The following GDA variants were observed in gnomAD, a reference collection of about 807,000 sequenced individuals.
GDA encodes the protein guanine deaminase, also known as cytoplasmic PSD-95 interactor.
Under a neutral mutation model 59.6 loss-of-function variants are expected in GDA, and 18 were observed. The ratio of observed to expected loss-of-function variants is 0.30; its 90% CI spans 0.21 to 0.45. The LOEUF (loss-of-function observed/expected upper bound fraction) is 0.45. GDA is among the 20% of genes least tolerant of loss of function. The pLI, the probability that GDA is intolerant of heterozygous loss-of-function variation, is 1.00. For synonymous variants in GDA, 201 were observed against 201.1 expected, an observed-to-expected ratio of 1.00 and a Z score of 0.00; for missense variants, 427 against 552.3, an observed-to-expected ratio of 0.77 and a Z score of 2.27.
In GDA at chr9:72,248,324, G is replaced by A. The variant is rs199936815; in HGVS notation, c.1347G>A (p.Pro449=). 34 of 1,613,768 alleles carry A rather than the reference G, an allele frequency of 2.1e-5. No individual in the cohort carries two copies. The Admixed American group carries it at 2.2e-4, about 10-fold the overall frequency. ...EVYVGGKQVV[P]FSSSV Reference sequence around the variant, plus strand: ...ATGTGGGCGGAAAGCAGGTGGTTCCGTTTTCCAGCTCAGTGTAAGACCCTC... The same window carrying A: ...ATGTGGGCGGAAAGCAGGTGGTTCCATTTTCCAGCTCAGTGTAAGACCCTC... The change falls in exon 14 of 14, where the codon CCG becomes CCA. Residue 449 remains proline, a synonymous_variant. Coordinates refer to ENST00000358399, the MANE Select transcript of GDA (RefSeq NM_004293.5).
intron 10 of GDA, among the ~76,000 whole-genome samples, chr9:72,235,635 T>C (rs1838886121): frequency 6.6e-6 from 1 of 151,262 alleles, no homozygotes; most frequent in Non-Finnish European, 1.5e-5. Context: ...AGGTGAAGGT[T>C]GCAGTGAGCC....
chr9:72,214,054 T>C (rs1835773145), intron 5 of GDA, 63 bp downstream of exon 5: 5 of 936,676 alleles, frequency 5.3e-6, no homozygotes, highest in East Asian at 5.0e-5. Flanking sequence ...CTGATGGAGT[T>C]AGAGATGGAA....
chr9:72,250,729 T>C lies in GDA; in HGVS notation c.*2387T>C. The C allele has an allele frequency of 2.5e-6, 4 of 1,612,162 alleles. No individual in the cohort carries two copies. In the South Asian group the frequency reaches 4.4e-5, roughly 18 times the overall value. ...CAATCTTATTTGTCACTTTTTGTTTTAATATCTTGCTCTCTGACAGGAAAG... is the reference window on the plus strand; with the variant it reads ...CAATCTTATTTGTCACTTTTTGTTTCAATATCTTGCTCTCTGACAGGAAAG... On this transcript the variant is annotated 3_prime_UTR_variant, in exon 14 of 14. Coordinates refer to ENST00000358399, the MANE Select transcript of GDA (RefSeq NM_004293.5).
chr9:72,203,742 CT>C (rs2131360430), intron 3 of GDA, among the ~76,000 whole-genome samples: 1 of 152,292 alleles, frequency 6.6e-6, no homozygotes, highest in South Asian at 2.1e-4. Context: ...TCCACATCAA[CT>C]GACCTAACCA....
chr9:72,253,070 G>T (rs940920497), downstream of GDA, among the ~76,000 whole-genome samples: 6 of 152,070 alleles, frequency 3.9e-5, no homozygotes, highest in Admixed American at 3.3e-4. Context: ...GAAACACTTT[G>T]CATCTGATTT....
At position 72,251,896 on chromosome 9, in the gene GDA, A is replaced by G. The variant is rs1166727877; in HGVS notation, c.*3554A>G. 1.3e-5 allele frequency: 2 copies of G among 152,146 alleles called. No individual in the cohort carries two copies. The highest frequency in any genetic ancestry group is 6.6e-5 in the Admixed American group (1 of 15,258). 9.4% of individuals were successfully genotyped at this position (152,146 alleles called of 1,614,324 possible). A position where few individuals can be genotyped will look rare whatever the true frequency, so the allele number is the denominator to read the frequency against. On this transcript the variant is annotated 3_prime_UTR_variant, in exon 14 of 14. Transcript: ENST00000358399. ...TGAAATGTGGAAGTCAACCAGACCA[A>G]TGATGGAATTAAATGTAAATTCCAA...
chr9:72,226,935 G>A (rs1837674396), intron 8 of GDA, among the ~76,000 whole-genome samples: 1 of 152,074 alleles, frequency 6.6e-6, no homozygotes, highest in South Asian at 2.1e-4. Context: ...GGCTAACACG[G>A]TGAAACCCCG....
rs1239462451 is a variant in GDA at position 72,231,980 on chromosome 9, T to C, written c.988+799T>C. 2.0e-5 allele frequency among the ~76,000 whole-genome samples: 3 copies of C among 152,376 alleles called. No homozygotes were observed. The East Asian group carries it at 5.8e-4, about 29-fold the overall frequency. On this transcript the variant is annotated intron_variant, in intron 10 of 13. Transcript: ENST00000358399. ...TTGTCTACTAGGCTGAGGGATGTTCTAAGTGCATATGAATTAGTGACGGAT... is the reference window on the plus strand; with the variant it reads ...TTGTCTACTAGGCTGAGGGATGTTCCAAGTGCATATGAATTAGTGACGGAT...
chr9:72,152,459 T>C (rs1827332793), intron 1 of GDA, among the ~76,000 whole-genome samples: 1 of 152,214 alleles, frequency 6.6e-6, no homozygotes, highest in Admixed American at 6.5e-5. Flanking sequence ...CTTTTAAGAA[T>C]ATAGACTCTA....
At chr9:72,133,301 A>AT (rs1564150749) in intron 1 of GDA, among the ~76,000 whole-genome samples, 1 of 112,328 alleles carries the variant, frequency 8.9e-6, no homozygotes, top group Non-Finnish European at 1.8e-5. Flanking sequence ...AAAAAAAAAA[A>AT]AAAAAAAAAT....
intron 3 of GDA, among the ~76,000 whole-genome samples, chr9:72,206,310 T>C (rs1351078161): frequency 6.6e-6 from 1 of 152,170 alleles, no homozygotes; most frequent in Admixed American, 6.5e-5. Context: ...TCTGTTCCCT[T>C]CTTCATCCCT....
intron 1 of GDA, among the ~76,000 whole-genome samples, chr9:72,122,031 T>C (rs987932459): frequency 3.9e-5 from 6 of 152,190 alleles, no homozygotes; most frequent in Non-Finnish European, 8.8e-5. Flanking sequence ...CCTTATGTGT[T>C]GAGATAGATC....
intron 1 of GDA, among the ~76,000 whole-genome samples, chr9:72,127,772 T>C (rs1825897129): frequency 6.6e-6 from 1 of 152,128 alleles, no homozygotes; most frequent in South Asian, 2.1e-4. Flanking sequence ...GTCGTGAGGA[T>C]CAAATGAAAT....
intron 1 of GDA, among the ~76,000 whole-genome samples, chr9:72,116,674 C>T (rs573836729): frequency 3.9e-5 from 6 of 152,076 alleles, no homozygotes; most frequent in Non-Finnish European, 8.8e-5. Context: ...CGTGAGCCAC[C>T]GCGCCCGGCC....
At chr9:72,185,649 A>G (rs1247555132) in intron 1 of GDA, among the ~76,000 whole-genome samples, 1 of 152,202 alleles carries the variant, frequency 6.6e-6, no homozygotes, top group East Asian at 1.9e-4. Context: ...TGTATAATAG[A>G]TTGAAATATG....
At chr9:72,225,009 C>T (rs137993207) in intron 7 of GDA, among the ~76,000 whole-genome samples, 5 of 152,224 alleles carry the variant, frequency 3.3e-5, no homozygotes, top group Non-Finnish European at 4.4e-5. Flanking sequence ...TGGCCAGTCA[C>T]GGTGGCTCAC....
intron 6 of GDA, among the ~76,000 whole-genome samples, chr9:72,222,859 A>G (rs1233467718): frequency 2.0e-5 from 3 of 151,934 alleles, no homozygotes; most frequent in East Asian, 3.9e-4. Flanking sequence ...GGCATGCGCC[A>G]CCACGCCCAG....
At chr9:72,144,720 T>C (rs956334467), upstream of GDA, among the ~76,000 whole-genome samples, 1 of 152,052 alleles carries the variant, frequency 6.6e-6, no homozygotes, top group African/African-American at 2.4e-5. Context: ...GATAAAGTAG[T>C]TTTGGGGGGC....
chr9:72,217,358 G>A (rs896999281), intron 5 of GDA, among the ~76,000 whole-genome samples: 5 of 152,130 alleles, frequency 3.3e-5, no homozygotes, highest in African/African-American at 4.8e-5. Context: ...TTCTCTTGAT[G>A]CTTCTAGCAT....
Sources: gnomAD v4.1 joint callset for allele counts (sites outside exome capture counted in the v4.1 genomes callset) on GRCh38, gnomAD v4.1.1 for gene constraint, MANE v1.5 for transcripts, NCBI Gene and HGNC (gene_info 2026-07-23, HGNC 2026-07-21) for gene names.